The following ATAD1 variants were observed in gnomAD, a reference collection of about 807,000 sequenced individuals.
ATAD1 encodes outer mitochondrial transmembrane helix translocase.
In ATAD1, 18 loss-of-function variants were observed where a neutral mutation model predicts 42.7. The ratio of observed to expected loss-of-function variants is 0.42; its 90% CI spans 0.29 to 0.63. The LOEUF is 0.63. ATAD1 is among the 20% of genes least tolerant of loss of function. ATAD1 has a pLI of 0.19. For missense variants in ATAD1, 294 were observed against 440.4 expected (o/e 0.67, Z 2.98); for synonymous variants, 132 against 143.1 (o/e 0.92, Z 0.55).
intron 2 of ATAD1, among the ~76,000 whole-genome samples, chr10:87,810,330 G>A (rs1857122966): frequency 6.6e-6 from 1 of 151,310 alleles, no homozygotes; most frequent in Non-Finnish European, 1.5e-5. Flanking sequence ...AATCATATGT[G>A]CTTCAGATAT....
chr10:87,767,467 A>G (rs1854812101), intron 8 of ATAD1, among the ~76,000 whole-genome samples: 1 of 152,150 alleles, frequency 6.6e-6, no homozygotes. Context: ...TGCTGATGTG[A>G]CAGGAAGTGG....
intron 8 of ATAD1, among the ~76,000 whole-genome samples, chr10:87,761,654 TA>T (rs570327254): frequency 7.4e-5 from 11 of 148,998 alleles, no homozygotes; most frequent in South Asian, 4.2e-4. Flanking sequence ...AGAGATTGTC[TA>T]AAAAAAAAAT....
chr10:87,780,414 G>A (rs889782386), intron 5 of ATAD1, among the ~76,000 whole-genome samples: 2 of 152,134 alleles, frequency 1.3e-5, no homozygotes, highest in African/African-American at 4.8e-5. Context: ...CACAAAGAAT[G>A]AACCTTAAAC....
At chr10:87,760,720 C>CTGG (rs67977673) in intron 8 of ATAD1, among the ~76,000 whole-genome samples, 44,454 of 151,748 alleles carry the variant, frequency 0.29, 6,686 homozygotes, top group Middle Eastern at 0.31. Flanking sequence ...AATGATGAGG[C>CTGG]TGGTCAGCTA....
rs779256903 is a variant in ATAD1, at chr10:87,754,639, G to A, written c.*48C>T. 7 of 1,569,970 alleles carry A rather than the reference G, an allele frequency of 4.5e-6. No homozygotes were observed. The East Asian group carries it at 1.6e-4, about 36-fold the overall frequency. ...CCGTTCTATTTCCACTAACTGATAAGAGGACACACCAAACTAGATCACTGA... is the reference window on the plus strand; with the variant it reads ...CCGTTCTATTTCCACTAACTGATAAAAGGACACACCAAACTAGATCACTGA... On this transcript the variant is annotated 3_prime_UTR_variant, in exon 10 of 10. Coordinates refer to ENST00000680024, the MANE Select transcript of ATAD1 (RefSeq NM_001321967.2).
At chr10:87,839,916 C>T (rs1409868408) in intron 1 of ATAD1, among the ~76,000 whole-genome samples, 1 of 152,174 alleles carries the variant, frequency 6.6e-6, no homozygotes, top group Non-Finnish European at 1.5e-5. Flanking sequence ...CCTGTTCCAC[C>T]TTTCCATATT....
At chr10:87,771,136 A>G (rs933700800) in intron 6 of ATAD1, 95 bp from the exon 7 acceptor site, 2 of 814,008 alleles carry the variant, frequency 2.5e-6, no homozygotes, top group South Asian at 2.0e-5. Context: ...ATTAAGTGGT[A>G]TTTTAACTAA....
chr10:87,829,833 G>A (rs1162820524), intron 1 of ATAD1, among the ~76,000 whole-genome samples: 1 of 150,010 alleles, frequency 6.7e-6, no homozygotes, highest in East Asian at 2.0e-4. Context: ...CCTTGAGATG[G>A]AATCTACACC....
intron 8 of ATAD1, among the ~76,000 whole-genome samples, chr10:87,760,116 CTAT>C (rs1283690026): frequency 6.6e-6 from 1 of 152,090 alleles, no homozygotes; most frequent in Non-Finnish European, 1.5e-5. Context: ...TAAATAACAT[CTAT>C]GTACTCTAAG....
intron 1 of ATAD1, among the ~76,000 whole-genome samples, chr10:87,836,387 T>C (rs1364114546): frequency 6.6e-6 from 1 of 152,240 alleles, no homozygotes; most frequent in Non-Finnish European, 1.5e-5. Context: ...CAACAAATTA[T>C]CTTTGTTTTC....
intron 1 of ATAD1, among the ~76,000 whole-genome samples, chr10:87,827,658 T>C (rs1359893826): frequency 6.6e-6 from 1 of 152,178 alleles, no homozygotes; most frequent in African/African-American, 2.4e-5. Context: ...TTAATAAATG[T>C]TGTGTTCTGA....
At chr10:87,807,353 C>T (rs1856973812) in intron 2 of ATAD1, among the ~76,000 whole-genome samples, 1 of 152,118 alleles carries the variant, frequency 6.6e-6, no homozygotes, top group African/African-American at 2.4e-5. Flanking sequence ...ACATTTTCAA[C>T]TTTACTAGAT....
intron 2 of ATAD1, among the ~76,000 whole-genome samples, chr10:87,813,906 A>G (rs1415018999): frequency 6.6e-6 from 1 of 152,132 alleles, no homozygotes; most frequent in Admixed American, 6.5e-5. Context: ...TTTTGATGAC[A>G]AACAGAAACC....
At position 87,792,638 on chromosome 10, in the gene ATAD1, T is replaced by TAA; in HGVS notation, c.261+17_261+18dup. The TAA allele has an allele frequency of 2.2e-6, 2 of 899,538 alleles. No individual in the cohort carries two copies. Among genetic ancestry groups the TAA allele is most frequent in the Non-Finnish European group, 3.4e-6 (2 of 582,476 alleles). 55.7% of individuals were successfully genotyped at this position (899,538 alleles called of 1,614,324 possible). A position where few individuals can be genotyped will look rare whatever the true frequency, so the allele number is the denominator to read the frequency against. ...CCCCCACCTCTAAAAAAATCTTAAA[T>TAA]AAGATTAAAGATACATACATGCATA... On this transcript the variant is annotated intron_variant, in intron 3 of 9. Coordinates refer to ENST00000680024, the MANE Select transcript of ATAD1 (RefSeq NM_001321967.2).
chr10:87,786,814 G>A (rs919646067), intron 4 of ATAD1, among the ~76,000 whole-genome samples: 1 of 152,050 alleles, frequency 6.6e-6, no homozygotes, highest in Non-Finnish European at 1.5e-5. Context: ...AATTAGCCAG[G>A]CATGGTGGTG....
At chr10:87,823,512 G>A (rs1857669504) in intron 1 of ATAD1, among the ~76,000 whole-genome samples, 1 of 152,170 alleles carries the variant, frequency 6.6e-6, no homozygotes, top group Non-Finnish European at 1.5e-5. Context: ...ATCCCCCTAG[G>A]ATTAAATTGG....
rs1020092955 is a variant in ATAD1, at chr10:87,753,333, G to C, written c.*1354C>G. Reference sequence around the variant, plus strand: ...TAAACGATCTAACAGATTCTTGTGAGACACATTATCAGATAAATTAATCCA... The same window carrying C: ...TAAACGATCTAACAGATTCTTGTGACACACATTATCAGATAAATTAATCCA... On this transcript the variant is annotated 3_prime_UTR_variant, in exon 10 of 10. Transcript: ENST00000680024. The C allele has an allele frequency of 6.6e-6, 1 of 152,102 alleles. No homozygotes were observed. The highest frequency in any genetic ancestry group is 2.4e-5 in the African/African-American group (1 of 41,428). 9.4% of individuals were successfully genotyped at this position (152,102 alleles called of 1,614,324 possible).
chr10:87,757,285 AAAC>A (rs938925230), intron 8 of ATAD1, among the ~76,000 whole-genome samples: 6 of 151,446 alleles, frequency 4.0e-5, no homozygotes, highest in African/African-American at 1.5e-4. Flanking sequence ...AAAAAAAAAA[AAAC>A]AAAACACTCA....
At chr10:87,781,962 T>C (rs998856524) in intron 5 of ATAD1, among the ~76,000 whole-genome samples, 2 of 152,064 alleles carry the variant, frequency 1.3e-5, no homozygotes, top group Admixed American at 6.6e-5. Flanking sequence ...TGTTTTTTTT[T>C]TTAATGGGAA....
Sources: gnomAD v4.1 joint callset for allele counts (sites outside exome capture counted in the v4.1 genomes callset) on GRCh38, gnomAD v4.1.1 for gene constraint, MANE v1.5 for transcripts, NCBI Gene and HGNC (gene_info 2026-07-23, HGNC 2026-07-21) for gene names.